PLOD1: variants seen among roughly 807,000 people sequenced by gnomAD.
PLOD1 encodes procollagen-lysine,2-oxoglutarate 5-dioxygenase 1.
In PLOD1, 70 loss-of-function variants were observed where a neutral mutation model predicts 94.7. That is an observed-to-expected ratio of 0.74 (90% CI 0.61 to 0.90). The LOEUF (loss-of-function observed/expected upper bound fraction) is 0.90. PLOD1 is among the 40% of genes least tolerant of loss of function. PLOD1 has a pLI of 0.00. For synonymous variants in PLOD1, 417 were observed against 400.2 expected (o/e 1.04, Z -0.50); for missense variants, 905 against 972.7 (o/e 0.93, Z 0.93).
chr1:11,972,674 C>T lies in PLOD1; in HGVS notation c.1903-198C>T. 3.5e-6 allele frequency: 2 copies of T among 572,968 alleles called. No individual in the cohort carries two copies. Among genetic ancestry groups the T allele is most frequent in the South Asian group, 3.8e-5 (2 of 52,360 alleles). 35.5% of individuals were successfully genotyped at this position (572,968 alleles called of 1,614,324 possible). A position where few individuals can be genotyped will look rare whatever the true frequency, so the allele number is the denominator to read the frequency against. ...TCTTCCTTCCCTCCCTCTCTCCCCT[C>T]TGTCCATACATTTTTGTTGAGAACC... On this transcript the variant is annotated intron_variant, in intron 17 of 18. Coordinates refer to ENST00000196061, the MANE Select transcript of PLOD1 (RefSeq NM_000302.4). The surrounding 1 kb of genome is among the most constrained non-coding windows in gnomAD (Gnocchi z 4.6).
In PLOD1 at chr1:11,965,486, T is replaced by A. The variant is rs750942824; in HGVS notation, c.1477T>A (p.Phe493Ile). The stretch of plus-strand genomic sequence containing the variant: ...CCGGGCCTGTCCTCCCCAGGATGTG[T>A]TCATGTTCCTGACCAACCGGCACAC... ...FCANIRQQDV[F>I]MFLTNRHTLG... Residue 493 changes from phenylalanine to isoleucine, a missense_variant, in exon 14 of 19, where the codon TTC becomes ATC. By Grantham distance (21) the Phe-to-Ile change is conservative (BLOSUM62 0). Transcript: ENST00000196061. 6.2e-7 allele frequency: 1 copy of A among 1,608,630 alleles called. No individual in the cohort carries two copies. The highest frequency in any genetic ancestry group is 8.5e-7 in the Non-Finnish European group (1 of 1,175,560).
Position 11,967,147 on chromosome 1 carries a change from C to T in PLOD1, c.1755+56C>T, listed in dbSNP as rs2273293. 544,979 of 1,124,310 alleles carry T rather than the reference C, an allele frequency of 0.48. 136,237 individuals are homozygous for T. The highest frequency in any genetic ancestry group is 0.62 in the South Asian group (50,356 of 81,094). 69.6% of individuals were successfully genotyped at this position (1,124,310 alleles called of 1,614,324 possible). Reference sequence around the variant, plus strand: ...AGGGAGGCTGCCTCTCCATCAGTGCCGCTCACTGTCTGGGGTCTTCTGGCA... The same window carrying T: ...AGGGAGGCTGCCTCTCCATCAGTGCTGCTCACTGTCTGGGGTCTTCTGGCA... On this transcript the variant is annotated intron_variant, in intron 16 of 18. Transcript: ENST00000196061.
rs539733802 is a variant in PLOD1 at position 11,939,733 on chromosome 1, G to A, written c.76+4878G>A. The stretch of plus-strand genomic sequence containing the variant: ...AGCAGTTCTCCTGCCTCAGTCTCCC[G>A]AGTAGCTGGGATTACAGGCGCCCAC... On this transcript the variant is annotated intron_variant, in intron 1 of 18. Coordinates refer to ENST00000196061, the MANE Select transcript of PLOD1 (RefSeq NM_000302.4). Among the ~76,000 whole-genome samples the A allele has an allele frequency of 9.7e-4, 148 of 152,074 alleles. 1 individual carries two copies. The highest frequency in any genetic ancestry group is 3.4e-3 in the Middle Eastern group (1 of 294).
Position 11,956,943 on chromosome 1 carries a change from G to A in PLOD1, c.670G>A (p.Gly224Ser), listed in dbSNP as rs763724588. Residue 224 changes from glycine to serine, a missense_variant, in exon 7 of 19, where the codon GGC becomes AGC. Gly to Ser is a moderately conservative substitution (Grantham distance 56, BLOSUM62 0). Transcript: ENST00000196061. ...LDEVVLKFEM[G>S]HVRARNLAYD... The stretch of plus-strand genomic sequence containing the variant: ...TGAGGTCGTGCTCAAGTTTGAAATG[G>A]GCCATGTGAGAGCGAGGAACCTGGC... 7 of 1,613,590 alleles carry A rather than the reference G, an allele frequency of 4.3e-6. No homozygotes were observed. The African/African-American group carries it at 8.0e-5, about 18-fold the overall frequency.
At chr1:11,941,467 GATT>G (rs145464263) in intron 1 of PLOD1, among the ~76,000 whole-genome samples, 16,067 of 141,746 alleles carry the variant, frequency 0.11, 1,239 homozygotes, top group African/African-American at 0.27. Context: ...AAGTAGCTGG[GATT>G]ATTATTATTA....
At chr1:11,938,580 G>T (rs1159652470) in intron 1 of PLOD1, among the ~76,000 whole-genome samples, 1 of 152,138 alleles carries the variant, frequency 6.6e-6, no homozygotes, top group African/African-American at 2.4e-5. Flanking sequence ...TGTGTTTGGT[G>T]GGGGGTACCC....
chr1:11,973,558 A>T (rs1645881370), intron 18 of PLOD1, among the ~76,000 whole-genome samples: 1 of 151,672 alleles, frequency 6.6e-6, no homozygotes, highest in Non-Finnish European at 1.5e-5. Context: ...TGTGGAGAAC[A>T]CTCATAAAAA....
At chr1:11,944,528 G>A in intron 1 of PLOD1, 1 of 1,344,808 alleles carries the variant, frequency 7.4e-7, no homozygotes, top group Non-Finnish European at 9.9e-7. Flanking sequence ...GCAGCCCCCT[G>A]TTGCCAAGAG....
At chr1:11,944,737 GCCAATCCCTGCTGGGCCGCCTGGCGCCA>G in intron 1 of PLOD1, 1 of 1,121,776 alleles carries the variant, frequency 8.9e-7, no homozygotes, top group South Asian at 1.5e-5. Context: ...GCTAATCCCT[GCCAATCCCTGCTGGGCCGCCTGGCGCCA>G]GCCCTCTGCC....
chr1:11,941,781 G>A (rs1645617198), intron 1 of PLOD1, among the ~76,000 whole-genome samples: 1 of 152,072 alleles, frequency 6.6e-6, no homozygotes. Context: ...ACCGCGCCCG[G>A]ACTAGTAGCT....
intron 10 of PLOD1, among the ~76,000 whole-genome samples, chr1:11,961,241 C>T (rs763051958): frequency 1.3e-5 from 2 of 151,506 alleles, no homozygotes; most frequent in Non-Finnish European, 1.5e-5. Flanking sequence ...AAAAAATAGC[C>T]AAGTGTGGTG....
Position 11,972,995 on chromosome 1 carries a change from G to A in PLOD1, c.2026G>A (p.Glu676Lys). 8.1e-6 allele frequency: 13 copies of A among 1,613,952 alleles called. No individual in the cohort carries two copies. The highest frequency in any genetic ancestry group is 1.1e-5 in the Non-Finnish European group (13 of 1,179,928). ...IALNRVGVDY[E>K]GGGCRFLRYN... ...CCTGAACCGAGTCGGGGTGGATTACGAGGTGAGCAGGAGCCAGCCGGGGTC... is the reference window on the plus strand; with the variant it reads ...CCTGAACCGAGTCGGGGTGGATTACAAGGTGAGCAGGAGCCAGCCGGGGTC... The change falls in exon 18 of 19, where the codon GAG (glutamate) becomes AAG (lysine). Residue 676 changes from glutamate to lysine, a missense_variant and splice_region_variant. Glu to Lys is a moderately conservative substitution (Grantham distance 56). Coordinates refer to ENST00000196061, the MANE Select transcript of PLOD1 (RefSeq NM_000302.4). The surrounding 1 kb of genome is among the most constrained non-coding windows in gnomAD (Gnocchi z 4.6).
At chr1:11,971,847 A>G (rs1645866840) in intron 17 of PLOD1, 1 of 152,056 alleles carries the variant, frequency 6.6e-6, no homozygotes, top group South Asian at 2.1e-4. Flanking sequence ...CCTTCTTCCA[A>G]TAGTGAGGAA....
rs1214962428 is a variant in PLOD1 at position 11,972,379 on chromosome 1, G to T, written c.1903-493G>T. The T allele has an allele frequency of 6.1e-6, 1 of 163,288 alleles. No homozygotes were observed. The highest frequency in any genetic ancestry group is 1.3e-5 in the Non-Finnish European group (1 of 74,138). The allele number at this position is 163,288 out of a possible 1,614,324, so 10.1% of individuals were successfully genotyped here. ...CGATTCTCCGGCCTCAGCCTCCCAA[G>T]TAGCTGCGATTACAGACGCCCACCA... On this transcript the variant is annotated intron_variant, in intron 17 of 18. Coordinates refer to ENST00000196061, the MANE Select transcript of PLOD1 (RefSeq NM_000302.4). The surrounding 1 kb of genome is among the most constrained non-coding windows in gnomAD (Gnocchi z 4.6).
At chr1:11,950,717 C>G (rs1395579574) in intron 4 of PLOD1, among the ~76,000 whole-genome samples, 197 bp downstream of exon 4, 1 of 152,164 alleles carries the variant, frequency 6.6e-6, no homozygotes, top group Non-Finnish European at 1.5e-5. Context: ...ACACGCAGCC[C>G]CATAGACAGA....
At position 11,954,825 on chromosome 1, in the gene PLOD1, T is replaced by C; in HGVS notation, c.580-5T>C. The C allele has an allele frequency of 6.2e-7, 1 of 1,612,028 alleles. No homozygotes were observed. The highest frequency in any genetic ancestry group is 2.2e-5 in the East Asian group (1 of 44,870). On this transcript the variant is annotated splice_region_variant and splice_polypyrimidine_tract_variant and intron_variant, in intron 5 of 18. Coordinates refer to ENST00000196061, the MANE Select transcript of PLOD1 (RefSeq NM_000302.4). ...TGCTGCAGTCTGGTACCTTCTTTCC[T>C]GCAGGAGCAGATCAATATCACCCTG...
At chr1:11,950,321 T>C (rs2100743965) in intron 3 of PLOD1, 36 bp from the exon 4 acceptor site, 2 of 1,611,440 alleles carry the variant, frequency 1.2e-6, no homozygotes, top group Non-Finnish European at 1.7e-6. Flanking sequence ...CTGCTCACCC[T>C]TGCCCTGCTC....
At chr1:11,952,454 T>C (rs1345147154) in intron 4 of PLOD1, among the ~76,000 whole-genome samples, 169 bp from the exon 5 acceptor site, 2 of 152,184 alleles carry the variant, frequency 1.3e-5, no homozygotes, top group Non-Finnish European at 2.9e-5. Context: ...GCAGCCCCAT[T>C]TCCAACCTGC....
At chr1:11,966,464 G>C in intron 15 of PLOD1, 148 bp downstream of exon 15, 1 of 270,062 alleles carries the variant, frequency 3.7e-6, no homozygotes, top group Non-Finnish European at 7.2e-6. Context: ...CAGGATGGGA[G>C]TTGGGGGTGG....
Sources: allele counts gnomAD v4.1 joint callset (sites outside exome capture counted in the v4.1 genomes callset), GRCh38; gene constraint gnomAD v4.1.1; non-coding constraint Gnocchi (gnomAD v3.1); transcripts MANE v1.5; gene names NCBI Gene and HGNC (gene_info 2026-07-23, HGNC 2026-07-21).